The following TLL1 variants were observed in gnomAD, a reference collection of about 807,000 sequenced individuals.
The protein encoded by TLL1 is tolloid like 1, also known as tolloid-like protein 1.
Under a neutral mutation model 128.2 loss-of-function variants are expected in TLL1, and 49 were observed. That is an observed-to-expected ratio of 0.38 (90% CI 0.30 to 0.48). The LOEUF is 0.48. Ranked by LOEUF, TLL1 falls within the 20% of genes least tolerant of loss-of-function variation. The pLI, the probability that TLL1 is intolerant of heterozygous loss-of-function variation, is 0.96. For synonymous variants in TLL1, 454 were observed against 418.8 expected, an observed-to-expected ratio of 1.08 and a Z score of -1.03; for missense variants, 1,123 against 1,242.0, an observed-to-expected ratio of 0.90 and a Z score of 1.44.
Position 166,078,066 on chromosome 4 carries a change from G to A in TLL1, c.2442+36G>A, listed in dbSNP as rs777282853. On this transcript the variant is annotated intron_variant, in intron 18 of 20. Transcript: ENST00000061240. ...ACATCCTTTTTCTTTCCATTAAGCT[G>A]ACTGCCCTTGTCTTTCACTACAAGC... 3 of 1,611,434 alleles carry A rather than the reference G, an allele frequency of 1.9e-6. No homozygotes were observed. The East Asian group carries it at 6.7e-5, about 36-fold the overall frequency.
chr4:165,900,279 G>A (rs113316805), intron 1 of TLL1, among the ~76,000 whole-genome samples: 6,009 of 152,164 alleles, frequency 0.039, 380 homozygotes, highest in African/African-American at 0.13. Flanking sequence ...CTGTCATCAT[G>A]ATGATAGCCG....
intron 1 of TLL1, among the ~76,000 whole-genome samples, chr4:165,913,743 G>A (rs1016066248): frequency 2.6e-5 from 4 of 152,154 alleles, no homozygotes; most frequent in East Asian, 1.9e-4. Context: ...GCTGGGCACC[G>A]TGGTTCACAC....
chr4:165,928,409 A>G (rs774689732), intron 1 of TLL1, among the ~76,000 whole-genome samples: 15 of 152,148 alleles, frequency 9.9e-5, no homozygotes, highest in South Asian at 2.1e-4. Flanking sequence ...GCCACTCTCT[A>G]TAGGAGAGTT....
chr4:166,076,027 A>G (rs1741007046), intron 17 of TLL1, among the ~76,000 whole-genome samples: 1 of 152,130 alleles, frequency 6.6e-6, no homozygotes, highest in African/African-American at 2.4e-5. Context: ...CTATTAAATC[A>G]ATAGATTAGG....
At chr4:166,087,170 A>G (rs1364321684) in intron 18 of TLL1, among the ~76,000 whole-genome samples, 1 of 152,172 alleles carries the variant, frequency 6.6e-6, no homozygotes, top group Non-Finnish European at 1.5e-5. Context: ...CTAGGCATCC[A>G]AGCATACTTC....
At chr4:165,903,804 T>G (rs2110857978) in intron 1 of TLL1, among the ~76,000 whole-genome samples, 1 of 151,464 alleles carries the variant, frequency 6.6e-6, no homozygotes, top group South Asian at 2.1e-4. Context: ...AGACACTTGG[T>G]GATCACAAGA....
chr4:166,098,433 AG>A (rs1319776790), intron 19 of TLL1, among the ~76,000 whole-genome samples: 7 of 151,848 alleles, frequency 4.6e-5, no homozygotes, highest in Non-Finnish European at 7.4e-5. Context: ...ACTAACTAAA[AG>A]GTTTTATGGA....
At chr4:166,047,815 G>T (rs1447508391) in intron 12 of TLL1, among the ~76,000 whole-genome samples, 1 of 152,148 alleles carries the variant, frequency 6.6e-6, no homozygotes, top group Non-Finnish European at 1.5e-5. Flanking sequence ...TGGTCTGGAT[G>T]TTTGTGTCTA....
At chr4:165,881,374 C>T (rs1020891197) in intron 1 of TLL1, among the ~76,000 whole-genome samples, 1 of 152,202 alleles carries the variant, frequency 6.6e-6, no homozygotes, top group Non-Finnish European at 1.5e-5. Context: ...CTTCTGGATA[C>T]GTGAGGAAAA....
At chr4:165,987,179 A>G (rs1736427369) in intron 1 of TLL1, among the ~76,000 whole-genome samples, 1 of 152,064 alleles carries the variant, frequency 6.6e-6, no homozygotes, top group Non-Finnish European at 1.5e-5. Flanking sequence ...CTAAGAAAGG[A>G]AGAGACAGGC....
chr4:165,878,534 C>A (rs943223331), intron 1 of TLL1, among the ~76,000 whole-genome samples: 9 of 152,196 alleles, frequency 5.9e-5, no homozygotes, highest in East Asian at 3.9e-4. Flanking sequence ...CATATTTGGT[C>A]CACAATGGCA....
intron 1 of TLL1, among the ~76,000 whole-genome samples, chr4:165,945,572 T>C (rs555576269): frequency 6.6e-6 from 1 of 152,258 alleles, no homozygotes; most frequent in Non-Finnish European, 1.5e-5. Flanking sequence ...GATAAAGTTA[T>C]TCTAAATAGG....
rs1253722867 is a variant in TLL1, at chr4:165,873,698, C to T, written c.-207C>T. 4 of 568,174 alleles carry T rather than the reference C, an allele frequency of 7.0e-6. No individual in the cohort carries two copies. Among genetic ancestry groups the T allele is most frequent in the Non-Finnish European group, 9.4e-6 (3 of 319,940 alleles). The allele number at this position is 568,174 out of a possible 1,614,324, so 35.2% of individuals were successfully genotyped here. ...CCCGTGGGCCCCTAGCCAACTTCTC[C>T]CTGCGACTGGGGGTAACAGGCAGTG... On this transcript the variant is annotated 5_prime_UTR_variant, in exon 1 of 21. Coordinates refer to ENST00000061240, the MANE Select transcript of TLL1 (RefSeq NM_012464.5).
chr4:166,011,737 T>G, intron 7 of TLL1, among the ~76,000 whole-genome samples: 1 of 151,492 alleles, frequency 6.6e-6, no homozygotes, highest in East Asian at 1.9e-4. Flanking sequence ...ATATTTCAGG[T>G]TTTCACCATT....
At chr4:165,998,011 G>A (rs892453403) in intron 5 of TLL1, among the ~76,000 whole-genome samples, 22 of 152,160 alleles carry the variant, frequency 1.4e-4, no homozygotes, top group African/African-American at 5.3e-4. Context: ...CTGATTAGCA[G>A]GCTGCTCATC....
intron 18 of TLL1, among the ~76,000 whole-genome samples, chr4:166,080,569 T>C (rs1741240877): frequency 2.0e-5 from 3 of 152,170 alleles, no homozygotes; most frequent in Admixed American, 2.0e-4. Flanking sequence ...GTGTTGTTTT[T>C]ATTTTTCTTG....
At chr4:166,008,107 A>G in intron 7 of TLL1, 59 bp downstream of exon 7, 1 of 1,247,124 alleles carries the variant, frequency 8.0e-7, no homozygotes, top group Non-Finnish European at 1.2e-6. Flanking sequence ...GTGGCTCCTC[A>G]CAAAGCTATG....
intron 12 of TLL1, among the ~76,000 whole-genome samples, chr4:166,047,226 G>A (rs1184956075): frequency 6.0e-5 from 9 of 151,192 alleles, no homozygotes; most frequent in Admixed American, 2.0e-4. Flanking sequence ...AGGCAGTGGC[G>A]CGATCTCGGT....
rs188621706 is a variant in TLL1 at position 165,911,906 on chromosome 4, C to T, written c.169+37833C>T. On this transcript the variant is annotated intron_variant, in intron 1 of 20. Coordinates refer to ENST00000061240, the MANE Select transcript of TLL1 (RefSeq NM_012464.5). ...TGTTTCGTTTTTTGAGACAGAGTCT[C>T]GCTCTGTCGCCTAGGCTGGAGTGCA... Among the ~76,000 whole-genome samples, 69 of 152,158 alleles carry T rather than the reference C, an allele frequency of 4.5e-4. No individual in the cohort carries two copies. In the East Asian group the frequency reaches 0.011, roughly 24 times the overall value.
Sources: gnomAD v4.1 joint callset for allele counts (sites outside exome capture counted in the v4.1 genomes callset) on GRCh38, gnomAD v4.1.1 for gene constraint, MANE v1.5 for transcripts, NCBI Gene and HGNC (gene_info 2026-07-23, HGNC 2026-07-21) for gene names.